The following MAML3 variants were observed in gnomAD, a reference collection of about 807,000 sequenced individuals.
MAML3 encodes mastermind-like protein 3.
MAML3 carries 27 observed loss-of-function variants against 101.9 expected under a neutral mutation model. That is an observed-to-expected ratio of 0.27 (90% CI 0.20 to 0.37). The LOEUF is 0.37. Among genes scored for constraint, MAML3 ranks in the 10% least tolerant of loss-of-function variants. The pLI, the probability that MAML3 is intolerant of heterozygous loss-of-function variation, is 1.00. For synonymous variants in MAML3, 501 were observed against 555.9 expected (o/e 0.90, Z 1.39); for missense variants, 1,316 against 1,444.9 (o/e 0.91, Z 1.45).
chr4:139,755,084 T>C (rs1317100722), intron 2 of MAML3, among the ~76,000 whole-genome samples: 1 of 152,210 alleles, frequency 6.6e-6, no homozygotes, highest in Non-Finnish European at 1.5e-5. Flanking sequence ...CAAGGCCCCG[T>C]GTATCAGAGT....
At chr4:140,035,214 C>T (rs4863730) in intron 1 of MAML3, among the ~76,000 whole-genome samples, 145,510 of 152,194 alleles carry the variant, frequency 0.96, 69,901 homozygotes, top group East Asian at 1. Flanking sequence ...CCTCAAGTGA[C>T]ACACCTGCCT....
chr4:139,958,230 A>G (rs947900225), intron 1 of MAML3, among the ~76,000 whole-genome samples: 1 of 152,046 alleles, frequency 6.6e-6, no homozygotes, highest in East Asian at 1.9e-4. Flanking sequence ...TGGGTGTTTC[A>G]TGTGGACCAT....
intron 2 of MAML3, among the ~76,000 whole-genome samples, chr4:139,753,786 A>G (rs186087930): frequency 2.6e-5 from 4 of 152,222 alleles, no homozygotes; most frequent in African/African-American, 9.6e-5. Flanking sequence ...CCTTTCTCTC[A>G]TGCATATGCC....
intron 1 of MAML3, among the ~76,000 whole-genome samples, chr4:140,149,939 CTTTTTT>C (rs3051828): frequency 4.6e-5 from 6 of 129,858 alleles, no homozygotes; most frequent in East Asian, 4.5e-4. Context: ...ATGTTTCTTT[CTTTTTT>C]TTTTTTTTTT....
At chr4:139,817,644 T>C (rs1730912427) in intron 2 of MAML3, among the ~76,000 whole-genome samples, 1 of 152,156 alleles carries the variant, frequency 6.6e-6, no homozygotes, top group Non-Finnish European at 1.5e-5. Context: ...TCACATCTAC[T>C]CCCCTCCATC....
intron 1 of MAML3, among the ~76,000 whole-genome samples, chr4:139,912,682 G>C (rs1224884710): frequency 6.6e-6 from 1 of 152,254 alleles, no homozygotes; most frequent in Non-Finnish European, 1.5e-5. Flanking sequence ...GACATACAGG[G>C]AGAGTGCCGT....
intron 2 of MAML3, among the ~76,000 whole-genome samples, chr4:139,863,095 A>C (rs1731815795): frequency 6.8e-6 from 1 of 147,058 alleles, no homozygotes; most frequent in South Asian, 2.2e-4. Flanking sequence ...GGATGCAGCG[A>C]GCCAAGGTTG....
chr4:139,839,854 G>A (rs1416226462), intron 2 of MAML3, among the ~76,000 whole-genome samples: 2 of 152,106 alleles, frequency 1.3e-5, no homozygotes, highest in Admixed American at 6.5e-5. Context: ...GCATGGAGGC[G>A]AGGGGAAGCA....
chr4:139,908,903 G>C (rs1006825531), intron 1 of MAML3, among the ~76,000 whole-genome samples: 13 of 152,188 alleles, frequency 8.5e-5, no homozygotes, highest in African/African-American at 2.9e-4. Flanking sequence ...TAACTTAACA[G>C]AATATGTATA....
chr4:139,990,310 T>C (rs1734641418), intron 1 of MAML3, among the ~76,000 whole-genome samples: 1 of 152,136 alleles, frequency 6.6e-6, no homozygotes, highest in African/African-American at 2.4e-5. Context: ...CACATGATTA[T>C]CTCAATAGAT....
chr4:139,899,964 G>A lies in MAML3; in HGVS notation c.469-8997C>T, dbSNP rs2111210506. On this transcript the variant is annotated intron_variant, in intron 1 of 4. Coordinates refer to ENST00000509479, the MANE Select transcript of MAML3 (RefSeq NM_018717.5). ...AAATCTCCATTCTGAAATCCTCCAG[G>A]AAGAAAAGGATCCTCTTTAAAGGGG... Among the ~76,000 whole-genome samples the A allele has an allele frequency of 2.0e-5, 3 of 152,220 alleles. 1 individual carries two copies. In the Middle Eastern group the frequency reaches 0.01, roughly 518 times the overall value.
chr4:140,008,498 GCCTATCATTC>G (rs1226613747), intron 1 of MAML3, among the ~76,000 whole-genome samples: 6 of 152,242 alleles, frequency 3.9e-5, no homozygotes, highest in Admixed American at 6.5e-5. Context: ...ACGGTTTACA[GCCTATCATTC>G]CCTTTTGACA....
intron 1 of MAML3, among the ~76,000 whole-genome samples, chr4:140,092,104 G>GTATATATATATATATACGTA (rs1416440469): frequency 1.3e-5 from 1 of 79,154 alleles, no homozygotes; most frequent in African/African-American, 4.2e-5. Context: ...ATATATATAC[G>GTATATATATATATATACGTA]TATATATATA....
chr4:140,002,838 T>G (rs1726346110), intron 1 of MAML3, among the ~76,000 whole-genome samples: 1 of 152,224 alleles, frequency 6.6e-6, no homozygotes, highest in African/African-American at 2.4e-5. Flanking sequence ...TAAAATTCAT[T>G]GTCCACTTAC....
rs1733804952 is a variant in MAML3, at chr4:139,949,911, C to A, written c.469-58944G>T. On this transcript the variant is annotated intron_variant, in intron 1 of 4. Coordinates refer to ENST00000509479, the MANE Select transcript of MAML3 (RefSeq NM_018717.5). ...GATTACTCTCTATAATGTAGGTGGG[C>A]CTCATCCAGTGAGTTGAACACCTGA... Among the ~76,000 whole-genome samples, 3 of 152,188 alleles carry A rather than the reference C, an allele frequency of 2.0e-5. No homozygotes were observed. In the South Asian group the frequency reaches 6.2e-4, roughly 32 times the overall value.
At chr4:139,932,378 T>C (rs528940938) in intron 1 of MAML3, among the ~76,000 whole-genome samples, 1 of 152,222 alleles carries the variant, frequency 6.6e-6, no homozygotes, top group Non-Finnish European at 1.5e-5. Flanking sequence ...ATCTCAAGAT[T>C]ATGCAGTACC....
chr4:139,895,844 G>A (rs910049709), intron 1 of MAML3, among the ~76,000 whole-genome samples: 1 of 152,208 alleles, frequency 6.6e-6, no homozygotes, highest in Non-Finnish European at 1.5e-5. Flanking sequence ...CATGCCACCT[G>A]ATTGGAGCCT....
chr4:139,788,681 T>A lies in MAML3; in HGVS notation c.2080-58014A>T, dbSNP rs142279142. Among the ~76,000 whole-genome samples, 253 of 152,380 alleles carry A rather than the reference T, an allele frequency of 1.7e-3. 1 individual carries two copies. The highest frequency in any genetic ancestry group is 3.4e-3 in the Middle Eastern group (1 of 294). ...ATGGCCAAGAAACTAAGTTTTGGTC[T>A]ATGAGATACAGTGAAATTTTGAATA... On this transcript the variant is annotated intron_variant, in intron 2 of 4. Transcript: ENST00000509479.
intron 2 of MAML3, among the ~76,000 whole-genome samples, chr4:139,879,445 G>A (rs1732175649): frequency 6.7e-6 from 1 of 150,044 alleles, no homozygotes; most frequent in Non-Finnish European, 1.5e-5. Flanking sequence ...AGAATCGCTT[G>A]AGCCCAGGAG....
Sources: gnomAD v4.1 joint callset for allele counts (sites outside exome capture counted in the v4.1 genomes callset) on GRCh38, gnomAD v4.1.1 for gene constraint, MANE v1.5 for transcripts, NCBI Gene and HGNC (gene_info 2026-07-23, HGNC 2026-07-21) for gene names.